The following PTER variants were observed in gnomAD, a reference collection of about 807,000 sequenced individuals.
PTER encodes the protein phosphotriesterase related.
PTER carries 38 observed loss-of-function variants against 29.6 expected under a neutral mutation model. The observed-to-expected ratio is 1.28, with a 90% confidence interval of 0.99 to 1.68. PTER has a LOEUF of 1.68. Ranked by LOEUF, PTER falls within the 40% of genes most tolerant of loss-of-function variation. PTER has a pLI of 0.00. For missense variants in PTER, 482 were observed against 427.8 expected, an observed-to-expected ratio of 1.13 and a Z score of -1.12; for synonymous variants, 172 against 154.5, an observed-to-expected ratio of 1.11 and a Z score of -0.84.
At chr10:16,459,833 C>G (rs189431861) in intron 1 of PTER, among the ~76,000 whole-genome samples, 1 of 152,098 alleles carries the variant, frequency 6.6e-6, no homozygotes, top group Non-Finnish European at 1.5e-5. Flanking sequence ...CCACAACCTC[C>G]GCCTCCCGGG....
intron 4 of PTER, among the ~76,000 whole-genome samples, chr10:16,508,338 G>A (rs999847907): frequency 6.6e-6 from 1 of 152,062 alleles, no homozygotes; most frequent in Non-Finnish European, 1.5e-5. Flanking sequence ...AAAGTGCTGG[G>A]ATTACATGTG....
intron 1 of PTER, among the ~76,000 whole-genome samples, chr10:16,448,120 T>C (rs1452639027): frequency 6.6e-6 from 1 of 152,168 alleles, no homozygotes; most frequent in Non-Finnish European, 1.5e-5. Flanking sequence ...CCAAGAGCTG[T>C]CTCTCAAAAG....
chr10:16,509,920 G>T (rs1836745721), intron 4 of PTER, among the ~76,000 whole-genome samples: 2 of 152,016 alleles, frequency 1.3e-5, no homozygotes, highest in South Asian at 4.1e-4. Context: ...CTTTGTGCTT[G>T]AGTTTTTTTT....
intron 1 of PTER, among the ~76,000 whole-genome samples, chr10:16,455,290 C>T (rs1834356460): frequency 1.3e-5 from 2 of 152,138 alleles, no homozygotes; most frequent in Admixed American, 6.5e-5. Flanking sequence ...AGACCAAGGG[C>T]CAGAAAAAAG....
At chr10:16,500,358 TC>T (rs1323611804) in intron 3 of PTER, among the ~76,000 whole-genome samples, 2 of 152,066 alleles carry the variant, frequency 1.3e-5, no homozygotes, top group Non-Finnish European at 2.9e-5. Flanking sequence ...CAAATGATCT[TC>T]CCACCTCAGC....
chr10:16,465,990 C>A (rs1252349357), intron 1 of PTER, among the ~76,000 whole-genome samples: 1 of 152,122 alleles, frequency 6.6e-6, no homozygotes, highest in South Asian at 2.1e-4. Flanking sequence ...CCATCTGTTC[C>A]CTCCCTCAAT....
At chr10:16,447,286 A>G (rs1220802859) in intron 1 of PTER, among the ~76,000 whole-genome samples, 1 of 150,964 alleles carries the variant, frequency 6.6e-6, no homozygotes, top group Non-Finnish European at 1.5e-5. Flanking sequence ...TTTTGTAGAG[A>G]TAAGGTGTCA....
intron 3 of PTER, among the ~76,000 whole-genome samples, chr10:16,503,157 A>G (rs1836429676): frequency 7.1e-6 from 1 of 141,374 alleles, no homozygotes; most frequent in African/African-American, 2.7e-5. Flanking sequence ...CTAGCCTCAA[A>G]TGATCCACCC....
chr10:16,468,802 C>A, intron 1 of PTER, among the ~76,000 whole-genome samples: 1 of 148,844 alleles, frequency 6.7e-6, no homozygotes, highest in Non-Finnish European at 1.5e-5. Flanking sequence ...AGGGAGACCC[C>A]TTTCTCTATA....
Position 16,512,127 on chromosome 10 carries a change from T to C in PTER, c.*871T>C, listed in dbSNP as rs1836835225. ...TATTTCCTTTACCTTTTGTTTTTCC[T>C]TGGACCTAAACAGAGAAAATAATGC... On this transcript the variant is annotated 3_prime_UTR_variant, in exon 5 of 5. Transcript: ENST00000535784. 6.6e-6 allele frequency: 1 copy of C among 152,386 alleles called. No individual in the cohort carries two copies. The highest frequency in any genetic ancestry group is 2.1e-4 in the South Asian group (1 of 4,836). The allele number at this position is 152,386 out of a possible 1,614,324, so 9.4% of individuals were successfully genotyped here.
At chr10:16,476,774 G>T (rs1215403219) in intron 1 of PTER, among the ~76,000 whole-genome samples, 6 of 151,746 alleles carry the variant, frequency 4.0e-5, no homozygotes. Flanking sequence ...TGTTTCCCAG[G>T]CTGGTCTCAA....
At chr10:16,452,064 T>G (rs79971355) in intron 1 of PTER, among the ~76,000 whole-genome samples, 4,064 of 152,216 alleles carry the variant, frequency 0.027, 80 homozygotes, top group African/African-American at 0.044. Context: ...CAATAATATC[T>G]ATGAAATCAC....
At position 16,463,477 on chromosome 10, in the gene PTER, G is replaced by A. The variant is rs146426881; in HGVS notation, c.-48-20860G>A. Among the ~76,000 whole-genome samples, 737 of 152,142 alleles carry A rather than the reference G, an allele frequency of 4.8e-3. 9 individuals carry two copies. Among genetic ancestry groups the A allele is most frequent in the African/African-American group, 0.017 (687 of 41,518 alleles). On this transcript the variant is annotated intron_variant, in intron 1 of 4. Coordinates refer to ENST00000535784, the MANE Select transcript of PTER (RefSeq NM_001261836.2). ...CCCAGGCTGGAGTGCCATGGCAGGCGCGATCTTGGCTAACTGCAACCTCTG... is the reference window on the plus strand; with the variant it reads ...CCCAGGCTGGAGTGCCATGGCAGGCACGATCTTGGCTAACTGCAACCTCTG...
intron 1 of PTER, among the ~76,000 whole-genome samples, chr10:16,465,097 T>C (rs1450977152): frequency 6.6e-6 from 1 of 152,170 alleles, no homozygotes; most frequent in African/African-American, 2.4e-5. Context: ...CATATGGGAA[T>C]TGTGGGAGCT....
chr10:16,504,923 T>G (rs1216678434), intron 3 of PTER, 97 bp from the exon 4 acceptor site: 1 of 1,387,338 alleles, frequency 7.2e-7, no homozygotes, highest in Non-Finnish European at 9.9e-7. Flanking sequence ...TTCAACTATG[T>G]TCTTGTTCTT....
At chr10:16,485,730 G>T (rs910435928) in intron 2 of PTER, among the ~76,000 whole-genome samples, 3 of 152,074 alleles carry the variant, frequency 2.0e-5, no homozygotes, top group African/African-American at 7.2e-5. Context: ...AAGTCTAATA[G>T]TAGTATAGTG....
At chr10:16,496,814 A>G (rs1836122131) in intron 3 of PTER, among the ~76,000 whole-genome samples, 2 of 152,080 alleles carry the variant, frequency 1.3e-5, no homozygotes, top group South Asian at 4.1e-4. Context: ...AATGATGGAT[A>G]GATGGATGGA....
chr10:16,461,515 C>A (rs1834611925), intron 1 of PTER, among the ~76,000 whole-genome samples: 1 of 151,944 alleles, frequency 6.6e-6, no homozygotes, highest in Non-Finnish European at 1.5e-5. Context: ...ACAGATTTGC[C>A]CTTGACCCCA....
intron 4 of PTER, among the ~76,000 whole-genome samples, chr10:16,507,342 G>A (rs1300951539): frequency 6.6e-6 from 1 of 152,054 alleles, no homozygotes; most frequent in African/African-American, 2.4e-5. Flanking sequence ...GTGGGAAACT[G>A]AAGATGGAGA....
Sources: gnomAD v4.1 joint callset for allele counts (sites outside exome capture counted in the v4.1 genomes callset) on GRCh38, gnomAD v4.1.1 for gene constraint, MANE v1.5 for transcripts, NCBI Gene and HGNC (gene_info 2026-07-23, HGNC 2026-07-21) for gene names.